ZBTB14: variants seen among roughly 807,000 people sequenced by gnomAD.
ZBTB14 encodes zinc finger and BTB domain containing 14, also known as zinc finger and BTB domain-containing protein 14.
Under a neutral mutation model 29.5 loss-of-function variants are expected in ZBTB14, and 8 were observed. The ratio of observed to expected loss-of-function variants is 0.27; its 90% CI spans 0.16 to 0.49. The LOEUF (loss-of-function observed/expected upper bound fraction) is 0.49. ZBTB14 is among the 20% of genes least tolerant of loss of function. ZBTB14 has a pLI of 0.99. For missense variants in ZBTB14, 333 were observed against 563.8 expected (o/e 0.59, Z 4.15); for synonymous variants, 226 against 207.2 (o/e 1.09, Z -0.78).
intron 1 of ZBTB14, 145 bp from the exon 2 acceptor site, chr18:5,294,146 CATAA>C (rs2071884624): frequency 1.3e-5 from 2 of 152,232 alleles, no homozygotes; most frequent in Non-Finnish European, 2.9e-5. Flanking sequence ...CCTTGAAACC[CATAA>C]TAAGCTCCTT....
chr18:5,295,545 G>GGCC (rs1263806105), intron 1 of ZBTB14, 107 bp downstream of exon 1: 1 of 144,600 alleles, frequency 6.9e-6, no homozygotes, highest in Non-Finnish European at 1.5e-5. Flanking sequence ...GCGCGCGCGG[G>GGCC]GCCGCCGCCG....
At position 5,289,704 on chromosome 18, in the gene ZBTB14, A is replaced by G. The variant is rs1336891855; in HGVS notation, c.*1154T>C. On this transcript the variant is annotated 3_prime_UTR_variant, in exon 4 of 4. Coordinates refer to ENST00000651870, the MANE Select transcript of ZBTB14 (RefSeq NM_001243702.2). ...TCTGACAATCTTTAATATTTGTTAA[A>G]AACAGTCTGATGTTTGTTGCTGATG... 1 of 152,604 alleles carries G rather than the reference A, an allele frequency of 6.6e-6. No homozygotes were observed. Among genetic ancestry groups the G allele is most frequent in the Admixed American group, 6.5e-5 (1 of 15,284 alleles). The allele number at this position is 152,604 out of a possible 1,614,324, so 9.5% of individuals were successfully genotyped here.
In ZBTB14 at chr18:5,290,825, C is replaced by T. The variant is rs1175995870; in HGVS notation, c.*33G>A. 1 of 1,592,404 alleles carries T rather than the reference C, an allele frequency of 6.3e-7. No individual in the cohort carries two copies. The highest frequency in any genetic ancestry group is 1.8e-5 in the Admixed American group (1 of 57,116). The stretch of plus-strand genomic sequence containing the variant: ...ATGATCCACGTCATCTCAGTCTCCA[C>T]TTTCCAGGCAAAGTGTCCCTGTCCC... On this transcript the variant is annotated 3_prime_UTR_variant, in exon 4 of 4. Transcript: ENST00000651870.
Position 5,292,221 on chromosome 18 carries a change from A to G in ZBTB14, c.4-17T>C. The G allele has an allele frequency of 2.3e-6, 3 of 1,324,274 alleles. No homozygotes were observed. Among genetic ancestry groups the G allele is most frequent in the East Asian group, 2.4e-5 (1 of 42,056 alleles). The allele number at this position is 1,324,274 out of a possible 1,614,324, so 82.0% of individuals were successfully genotyped here. ...GAAAAACTCCTACAAAAAAAAAAAA[A>G]GTTTAGTAATTATAAATAGTACTTT... On this transcript the variant is annotated splice_polypyrimidine_tract_variant and intron_variant, in intron 3 of 3. Coordinates refer to ENST00000651870, the MANE Select transcript of ZBTB14 (RefSeq NM_001243702.2).
At chr18:5,293,098 T>C (rs2071855280) in intron 3 of ZBTB14, 146 bp downstream of exon 3, 1 of 947,408 alleles carries the variant, frequency 1.1e-6, no homozygotes, top group Non-Finnish European at 1.5e-6. Flanking sequence ...ATGTTTCCTT[T>C]TTAAAAACAT....
chr18:5,290,943 G>C lies in ZBTB14; in HGVS notation c.1265C>G (p.Ala422Gly), dbSNP rs1007810295. Residue 422 changes from alanine to glycine, a missense_variant, in exon 4 of 4, where the codon GCC (alanine) becomes GGC (glycine). Transcript: ENST00000651870. The stretch of plus-strand genomic sequence containing the variant: ...CAACTGTTCTGTCTCGCTCTGGATG[G>C]CACTGGGGGTAACCTGCTTCCTTTC... ...HSERKQVTPS[A>G]IQSETEQLQA... 2.4e-5 allele frequency: 39 copies of C among 1,614,164 alleles called. No individual in the cohort carries two copies. Among genetic ancestry groups the C allele is most frequent in the Non-Finnish European group, 3.3e-5 (39 of 1,180,060 alleles).
rs1446959038 is a variant in ZBTB14 at position 5,291,239 on chromosome 18, G to A, written c.969C>T (p.His323=). The A allele has an allele frequency of 4.3e-6, 7 of 1,614,214 alleles. No homozygotes were observed. The highest frequency in any genetic ancestry group is 5.9e-6 in the Non-Finnish European group (7 of 1,180,042). Residue 323 remains histidine, a synonymous_variant, in exon 4 of 4, where the codon CAC becomes CAT. Coordinates refer to ENST00000651870, the MANE Select transcript of ZBTB14 (RefSeq NM_001243702.2). The surrounding 1 kb of genome is among the most constrained non-coding windows in gnomAD (Gnocchi z 5.8). The part of the protein sequence containing the change: ...GFTTQAHLKE[H]LKIHTGYKPY... ...GCTTATATCCTGTGTGGATTTTTAG[G>A]TGTTCTTTCAGGTGGGCCTGTGTGG...
Position 5,293,314 on chromosome 18 carries a change from G to A in ZBTB14, c.-68C>T. The A allele has an allele frequency of 6.4e-7, 1 of 1,557,896 alleles. No individual in the cohort carries two copies. Among genetic ancestry groups the A allele is most frequent in the Non-Finnish European group, 8.8e-7 (1 of 1,136,124 alleles). On this transcript the variant is annotated 5_prime_UTR_variant, in exon 3 of 4. Transcript: ENST00000651870. ...CTTCAGATCAGAGTAACTCTGATCAGGAGCACGCCAGACCTACAGAGGAAA... is the reference window on the plus strand; with the variant it reads ...CTTCAGATCAGAGTAACTCTGATCAAGAGCACGCCAGACCTACAGAGGAAA...
chr18:5,297,041 G>C (rs926560911), upstream of ZBTB14: 1 of 151,974 alleles, frequency 6.6e-6, no homozygotes, highest in Admixed American at 6.6e-5. Flanking sequence ...CAGCAATGCC[G>C]CGCCGCCTTA....
chr18:5,292,665 G>A (rs753909267), intron 3 of ZBTB14, among the ~76,000 whole-genome samples: 1 of 152,136 alleles, frequency 6.6e-6, no homozygotes, highest in African/African-American at 2.4e-5. Context: ...AGGTTCAAGG[G>A]AACAATCCTC....
intron 1 of ZBTB14, among the ~76,000 whole-genome samples, chr18:5,295,355 G>C (rs1332138486): frequency 3.5e-5 from 5 of 143,360 alleles, no homozygotes; most frequent in African/African-American, 5.0e-5. Flanking sequence ...CGTGCGCTGG[G>C]TCCCGGCCCC....
chr18:5,293,218 G>A (rs376474951), intron 3 of ZBTB14, 26 bp downstream of exon 3: 4 of 1,611,164 alleles, frequency 2.5e-6, no homozygotes, highest in Non-Finnish European at 3.4e-6. Flanking sequence ...TTTTCATCAA[G>A]ATTTAATATC....
At chr18:5,295,862 T>C (rs1461257804), upstream of ZBTB14, 2 of 151,246 alleles carry the variant, frequency 1.3e-5, no homozygotes, top group Non-Finnish European at 2.9e-5. Context: ...CCGCGCTCGC[T>C]AGCAAACGCA....
At chr18:5,294,914 C>A (rs956478182) in intron 1 of ZBTB14, 7 of 152,282 alleles carry the variant, frequency 4.6e-5, no homozygotes, top group African/African-American at 1.7e-4. Context: ...GAGCCAAGCG[C>A]AGACCCAAGA....
Position 5,290,682 on chromosome 18 carries a change from G to T in ZBTB14, c.*176C>A. ...ACAGTGAAACGGTTTGGTCAGAACT[G>T]AGGAACACCATTTCCTTGAAAAGTC... On this transcript the variant is annotated 3_prime_UTR_variant, in exon 4 of 4. Transcript: ENST00000651870. The T allele has an allele frequency of 1.0e-6, 1 of 958,616 alleles. No individual in the cohort carries two copies. The highest frequency in any genetic ancestry group is 1.6e-5 in the African/African-American group (1 of 60,670). 59.4% of individuals were successfully genotyped at this position (958,616 alleles called of 1,614,324 possible). A position where few individuals can be genotyped will look rare whatever the true frequency, so the allele number is the denominator to read the frequency against.
At chr18:5,293,512 G>A in intron 2 of ZBTB14, 185 bp from the exon 3 acceptor site, 1 of 408,168 alleles carries the variant, frequency 2.4e-6, no homozygotes, top group South Asian at 5.3e-5. Flanking sequence ...GACTAGAACA[G>A]ATAAGGGCTG....
At chr18:5,296,550 G>A (rs1010752430), upstream of ZBTB14, among the ~76,000 whole-genome samples, 5 of 151,780 alleles carry the variant, frequency 3.3e-5, no homozygotes, top group Admixed American at 3.3e-4. Context: ...GGCCACTTTC[G>A]CCCTCCGCGC....
rs775464887 is a variant in ZBTB14, at chr18:5,290,924, T to C, written c.1284A>G (p.Glu428=). The change falls in exon 4 of 4, where the codon GAA becomes GAG. Residue 428 remains glutamate (E), a synonymous_variant. Coordinates refer to ENST00000651870, the MANE Select transcript of ZBTB14 (RefSeq NM_001243702.2). ...VTPSAIQSET[E]QLQAAAMAAE... is the part of the protein sequence containing the mutation. ...CAGCCATCGCTGCCGCCTGCAACTG[T>C]TCTGTCTCGCTCTGGATGGCACTGG... 1 of 1,614,262 alleles carries C rather than the reference T, an allele frequency of 6.2e-7. No individual in the cohort carries two copies. The highest frequency in any genetic ancestry group is 1.3e-5 in the African/African-American group (1 of 75,074).
chr18:5,290,233 A>G lies in ZBTB14; in HGVS notation c.*625T>C, dbSNP rs2071780790. ...ACAGCTTTTGGGTAGGTACAGGGCA[A>G]TCAAGATTGAGGAAGAACACTTCAG... On this transcript the variant is annotated 3_prime_UTR_variant, in exon 4 of 4. Coordinates refer to ENST00000651870, the MANE Select transcript of ZBTB14 (RefSeq NM_001243702.2). 1 of 152,398 alleles carries G rather than the reference A, an allele frequency of 6.6e-6. No homozygotes were observed. Among genetic ancestry groups the G allele is most frequent in the African/African-American group, 2.4e-5 (1 of 41,456 alleles). 9.4% of individuals were successfully genotyped at this position (152,398 alleles called of 1,614,324 possible). A position where few individuals can be genotyped will look rare whatever the true frequency, so the allele number is the denominator to read the frequency against.
Sources: gnomAD v4.1 joint callset for allele counts (sites outside exome capture counted in the v4.1 genomes callset) on GRCh38, gnomAD v4.1.1 for gene constraint, Gnocchi (gnomAD v3.1) non-coding constraint, MANE v1.5 for transcripts, NCBI Gene and HGNC (gene_info 2026-07-23, HGNC 2026-07-21) for gene names.